SLC9A9: variants seen among roughly 807,000 people sequenced by gnomAD.
SLC9A9 encodes the protein solute carrier family 9 member A9.
Under a neutral mutation model 77.8 loss-of-function variants are expected in SLC9A9, and 62 were observed. That is an observed-to-expected ratio of 0.80 (90% confidence interval 0.65 to 0.98). The LOEUF is 0.98. Among genes scored for constraint, SLC9A9 ranks in the 50% least tolerant of loss-of-function variants. SLC9A9 has a pLI of 0.00. For synonymous variants in SLC9A9, 320 were observed against 283.5 expected (o/e 1.13, Z -1.29); for missense variants, 775 against 774.9 (o/e 1.00, Z 0.00).
chr3:143,584,308 C>T (rs1182692217), intron 6 of SLC9A9, among the ~76,000 whole-genome samples: 5 of 152,126 alleles, frequency 3.3e-5, no homozygotes, highest in Non-Finnish European at 7.4e-5. Flanking sequence ...CCTGGCGGCC[C>T]TGGTTCCACA....
At chr3:143,815,584 C>T (rs9824504) in intron 2 of SLC9A9, among the ~76,000 whole-genome samples, 100,404 of 151,598 alleles carry the variant, frequency 0.66, 33,594 homozygotes, top group East Asian at 0.8. Flanking sequence ...ACCTAATATC[C>T]GCCGGGCGCA....
chr3:143,805,069 C>T (rs2008673794), intron 2 of SLC9A9, among the ~76,000 whole-genome samples: 1 of 152,122 alleles, frequency 6.6e-6, no homozygotes, highest in Non-Finnish European at 1.5e-5. Flanking sequence ...CAAAAACTTG[C>T]CAACCAAGCA....
At chr3:143,825,040 A>G (rs778122953) in intron 2 of SLC9A9, among the ~76,000 whole-genome samples, 7 of 152,192 alleles carry the variant, frequency 4.6e-5, no homozygotes, top group Admixed American at 6.5e-5. Flanking sequence ...ATGGAGCCCT[A>G]TTCTCTGTTG....
At position 143,561,577 on chromosome 3, in the gene SLC9A9, A is replaced by G. The variant is rs149867588; in HGVS notation, c.1001-9127T>C. ...GGTATCTTGGGCCTCGATGCTTCCC[A>G]GGCTGCCATTCTCTCGCCATGGCTA... On this transcript the variant is annotated intron_variant, in intron 8 of 15. Coordinates refer to ENST00000316549, the MANE Select transcript of SLC9A9 (RefSeq NM_173653.4). Among the ~76,000 whole-genome samples the G allele has an allele frequency of 2.3e-3, 357 of 152,278 alleles. 2 individuals carry two copies. Among genetic ancestry groups the G allele is most frequent in the African/African-American group, 8.3e-3 (343 of 41,566 alleles).
At chr3:143,285,946 G>A (rs1486173558) in intron 14 of SLC9A9, among the ~76,000 whole-genome samples, 1 of 152,144 alleles carries the variant, frequency 6.6e-6, no homozygotes, top group Non-Finnish European at 1.5e-5. Flanking sequence ...TGAGCCGGGT[G>A]TTTTGAGCAT....
intron 6 of SLC9A9, among the ~76,000 whole-genome samples, chr3:143,636,024 T>C (rs533373321): frequency 2.6e-5 from 4 of 152,314 alleles, no homozygotes; most frequent in African/African-American, 9.6e-5. Context: ...AAGCTCCACA[T>C]GATCTGTAGA....
chr3:143,413,525 G>A (rs1214481404), intron 12 of SLC9A9, among the ~76,000 whole-genome samples: 2 of 152,144 alleles, frequency 1.3e-5, no homozygotes, highest in African/African-American at 2.4e-5. Context: ...GTGGTCCTGT[G>A]GGAGAAGGGG....
chr3:143,406,401 G>A (rs2033981400), intron 12 of SLC9A9, among the ~76,000 whole-genome samples: 1 of 150,902 alleles, frequency 6.6e-6, no homozygotes, highest in Admixed American at 6.6e-5. Flanking sequence ...TTTTGAGATG[G>A]AATCTCACTC....
intron 6 of SLC9A9, among the ~76,000 whole-genome samples, chr3:143,592,171 T>C (rs34224721): frequency 0.42 from 63,620 of 152,016 alleles, 13,908 homozygotes; most frequent in African/African-American, 0.55. Flanking sequence ...AGGCAAATGG[T>C]AACTGGCAGA....
chr3:143,266,345 C>T lies in SLC9A9; in HGVS notation c.*357G>A, dbSNP rs1486760324. On this transcript the variant is annotated 3_prime_UTR_variant, in exon 16 of 16. Coordinates refer to ENST00000316549, the MANE Select transcript of SLC9A9 (RefSeq NM_173653.4). ...TCTCCTTAATGGAGGGAATAAAATC[C>T]AGAATAGAAGTGAAGGGCCTGGAGA... The T allele has an allele frequency of 1.8e-5, 10 of 556,226 alleles. No individual in the cohort carries two copies. Among genetic ancestry groups the T allele is most frequent in the Non-Finnish European group, 3.2e-5 (10 of 312,590 alleles). 34.5% of individuals were successfully genotyped at this position (556,226 alleles called of 1,614,324 possible).
chr3:143,522,952 C>G (rs2036337574), intron 9 of SLC9A9, among the ~76,000 whole-genome samples: 2 of 152,262 alleles, frequency 1.3e-5, no homozygotes, highest in South Asian at 2.1e-4. Flanking sequence ...CTGCCTGCCT[C>G]CCATTACATG....
At position 143,574,169 on chromosome 3, in the gene SLC9A9, C is replaced by T. The variant is rs776014274; in HGVS notation, c.919G>A (p.Glu307Lys). Residue 307 changes from glutamate (E) to lysine (K), a missense_variant, in exon 8 of 16, where the codon GAG becomes AAG. By Grantham distance (56) the Glu-to-Lys change is moderately conservative. Coordinates refer to ENST00000316549, the MANE Select transcript of SLC9A9 (RefSeq NM_173653.4). ...ALLTKFTKLC[E>K]FPMLETGLFF... ...AGGCCGGTTTCCAGCATCGGGAACT[C>T]ACACAGCTTGGTAAATTTGGTCAAG... is the stretch of plus-strand genomic sequence containing the variant. 6 of 1,613,444 alleles carry T rather than the reference C, an allele frequency of 3.7e-6. No individual in the cohort carries two copies. Among genetic ancestry groups the T allele is most frequent in the Non-Finnish European group, 5.1e-6 (6 of 1,179,584 alleles).
intron 8 of SLC9A9, among the ~76,000 whole-genome samples, chr3:143,568,577 C>G (rs1216800892): frequency 6.6e-6 from 1 of 152,050 alleles, no homozygotes; most frequent in African/African-American, 2.4e-5. Flanking sequence ...ATGTTTGGAC[C>G]AGAGGATGTG....
chr3:143,581,026 G>C (rs775207241), intron 6 of SLC9A9, among the ~76,000 whole-genome samples: 1 of 152,230 alleles, frequency 6.6e-6, no homozygotes, highest in Non-Finnish European at 1.5e-5. Context: ...CGGCAGGGAA[G>C]CCTAAAATGT....
intron 1 of SLC9A9, among the ~76,000 whole-genome samples, chr3:143,843,943 G>C (rs533061604): frequency 6.6e-6 from 1 of 152,202 alleles, no homozygotes; most frequent in East Asian, 1.9e-4. Flanking sequence ...CTTCAATTTT[G>C]AAATGAGAAC....
At chr3:143,440,374 C>T (rs553835721) in intron 12 of SLC9A9, among the ~76,000 whole-genome samples, 1 of 152,218 alleles carries the variant, frequency 6.6e-6, no homozygotes, top group South Asian at 2.1e-4. Context: ...GGGAAACACC[C>T]TATTCACTGG....
intron 12 of SLC9A9, among the ~76,000 whole-genome samples, chr3:143,410,635 T>C: frequency 6.6e-6 from 1 of 152,246 alleles, no homozygotes; most frequent in Admixed American, 6.5e-5. Flanking sequence ...ACCCTTTATC[T>C]TAGGGCATTG....
chr3:143,392,429 C>G (rs1361314755), intron 12 of SLC9A9, among the ~76,000 whole-genome samples: 1 of 152,156 alleles, frequency 6.6e-6, no homozygotes, highest in Non-Finnish European at 1.5e-5. Context: ...CAGGCTTGCC[C>G]TACAAGAGCT....
intron 14 of SLC9A9, among the ~76,000 whole-genome samples, chr3:143,271,165 T>A (rs866672960): frequency 2.0e-5 from 3 of 152,200 alleles, no homozygotes; most frequent in Non-Finnish European, 4.4e-5. Context: ...GTTTCAGGCA[T>A]CCATGGGGGT....
Sources: allele counts gnomAD v4.1 joint callset (sites outside exome capture counted in the v4.1 genomes callset), GRCh38; gene constraint gnomAD v4.1.1; transcripts MANE v1.5; gene names NCBI Gene and HGNC (gene_info 2026-07-23, HGNC 2026-07-21).